Variants in TMPRSS11E observed in about 807,000 individuals in gnomAD.
TMPRSS11E encodes the protein transmembrane serine protease 11E, also known as transmembrane protease serine 11E.
TMPRSS11E carries 38 observed loss-of-function variants against 48.1 expected under a neutral mutation model. The ratio of observed to expected loss-of-function variants is 0.79; its 90% CI spans 0.61 to 1.04. TMPRSS11E has a LOEUF of 1.04. TMPRSS11E is among the 50% of genes least tolerant of loss of function. TMPRSS11E has a pLI of 0.00. For synonymous variants in TMPRSS11E, 158 were observed against 171.9 expected, an observed-to-expected ratio of 0.92 and a Z score of 0.63; for missense variants, 530 against 510.8, an observed-to-expected ratio of 1.04 and a Z score of -0.36.
At chr4:68,478,151 T>TTTTTC (rs1729286926) in intron 8 of TMPRSS11E, among the ~76,000 whole-genome samples, 1 of 147,804 alleles carries the variant, frequency 6.8e-6, no homozygotes, top group Non-Finnish European at 1.5e-5. Context: ...ATCACTATCT[T>TTTTTC]TTTTTTTTTT....
chr4:68,469,135 T>C (rs1300231823), intron 4 of TMPRSS11E, among the ~76,000 whole-genome samples, 189 bp downstream of exon 4: 1 of 152,088 alleles, frequency 6.6e-6, no homozygotes, highest in Non-Finnish European at 1.5e-5. Context: ...ATTTGCAAGA[T>C]GGTTGCTGGG....
chr4:68,480,211 A>G (rs1315198383), intron 9 of TMPRSS11E, among the ~76,000 whole-genome samples: 1 of 139,288 alleles, frequency 7.2e-6, no homozygotes, highest in African/African-American at 2.5e-5. Flanking sequence ...TTCTTAAAAT[A>G]CTCTTTCAGT....
chr4:68,496,555 C>A, intron 9 of TMPRSS11E, 88 bp from the exon 10 acceptor site: 1 of 1,340,426 alleles, frequency 7.5e-7, no homozygotes. Flanking sequence ...AAAATTACCC[C>A]TTTCATTACA....
At chr4:68,482,013 G>A (rs984891805) in intron 9 of TMPRSS11E, among the ~76,000 whole-genome samples, 2 of 152,134 alleles carry the variant, frequency 1.3e-5, no homozygotes, top group African/African-American at 2.4e-5. Flanking sequence ...AAGAGAAAAG[G>A]TTTAATTGGC....
At chr4:68,479,805 T>TA (rs1729354281) in intron 9 of TMPRSS11E, among the ~76,000 whole-genome samples, 2 of 152,044 alleles carry the variant, frequency 1.3e-5, no homozygotes, top group African/African-American at 4.8e-5. Context: ...ATTCCTTTTT[T>TA]AAAAACAGTC....
At chr4:68,484,263 C>A (rs1015809358) in intron 9 of TMPRSS11E, among the ~76,000 whole-genome samples, 1 of 152,170 alleles carries the variant, frequency 6.6e-6, no homozygotes, top group African/African-American at 2.4e-5. Flanking sequence ...TCTTTCTATT[C>A]ATGAACACAA....
chr4:68,457,248 G>A (rs1728658366), intron 1 of TMPRSS11E, among the ~76,000 whole-genome samples: 2 of 152,148 alleles, frequency 1.3e-5, no homozygotes, highest in Non-Finnish European at 1.5e-5. Flanking sequence ...GATATGAACA[G>A]ACACTTCTCA....
Position 68,447,485 on chromosome 4 carries a change from T to C in TMPRSS11E, c.-28T>C, listed in dbSNP as rs1182086178. On this transcript the variant is annotated 5_prime_UTR_variant, in exon 1 of 10. Transcript: ENST00000305363. ...CACACTTGGATGTAGACCTCGACCT[T>C]CACAGGACTCTTCATTGCTGGTTGG... 6.2e-7 allele frequency: 1 copy of C among 1,608,956 alleles called. No individual in the cohort carries two copies. The highest frequency in any genetic ancestry group is 2.2e-5 in the East Asian group (1 of 44,618).
intron 1 of TMPRSS11E, among the ~76,000 whole-genome samples, chr4:68,461,248 C>T (rs1298872186): frequency 6.6e-6 from 1 of 152,082 alleles, no homozygotes; most frequent in Non-Finnish European, 1.5e-5. Flanking sequence ...AGGAAGGGGC[C>T]TCTGGTTGTT....
intron 9 of TMPRSS11E, among the ~76,000 whole-genome samples, chr4:68,490,061 T>C (rs1729673279): frequency 6.6e-6 from 1 of 152,192 alleles, no homozygotes; most frequent in Admixed American, 6.5e-5. Context: ...TGGAGGTCTG[T>C]GGTGTGAGTT....
intron 9 of TMPRSS11E, among the ~76,000 whole-genome samples, chr4:68,493,403 A>G (rs1729782630): frequency 6.6e-6 from 1 of 152,192 alleles, no homozygotes; most frequent in African/African-American, 2.4e-5. Flanking sequence ...GCTACAGAAG[A>G]GAAGCCAAAT....
intron 9 of TMPRSS11E, among the ~76,000 whole-genome samples, chr4:68,486,352 T>G (rs1305393307): frequency 6.6e-6 from 1 of 152,248 alleles, no homozygotes; most frequent in Non-Finnish European, 1.5e-5. Flanking sequence ...TTTATTTTCA[T>G]TAATTTCAAA....
At chr4:68,482,649 A>G (rs377195932) in intron 9 of TMPRSS11E, among the ~76,000 whole-genome samples, 4 of 149,696 alleles carry the variant, frequency 2.7e-5, no homozygotes, top group African/African-American at 7.4e-5. Flanking sequence ...GCATATGCCT[A>G]TAGTTCCAGC....
chr4:68,485,217 G>C (rs553200419), intron 9 of TMPRSS11E, among the ~76,000 whole-genome samples: 19 of 152,184 alleles, frequency 1.2e-4, no homozygotes, highest in African/African-American at 2.7e-4. Flanking sequence ...TGCGATCTCA[G>C]CTCACTGCAA....
chr4:68,458,491 T>G (rs1345690882), intron 1 of TMPRSS11E, among the ~76,000 whole-genome samples: 2 of 152,200 alleles, frequency 1.3e-5, no homozygotes, highest in Non-Finnish European at 2.9e-5. Context: ...TATCTGAAGG[T>G]GATTTTACAC....
In TMPRSS11E at chr4:68,475,054, C is replaced by A. The variant is rs533822793; in HGVS notation, c.529+293C>A. On this transcript the variant is annotated intron_variant, in intron 6 of 9. Coordinates refer to ENST00000305363, the MANE Select transcript of TMPRSS11E (RefSeq NM_014058.4). ...CAAGAAATGTTTACTTATCAATGTTCTGTTTGTAGATATCTATAAGATAAA... is the reference window on the plus strand; with the variant it reads ...CAAGAAATGTTTACTTATCAATGTTATGTTTGTAGATATCTATAAGATAAA... Among the ~76,000 whole-genome samples, 5 of 152,136 alleles carry A rather than the reference C, an allele frequency of 3.3e-5. No individual in the cohort carries two copies. In the East Asian group the frequency reaches 9.6e-4, roughly 29 times the overall value.
At chr4:68,485,798 G>GT (rs1164240673) in intron 9 of TMPRSS11E, among the ~76,000 whole-genome samples, 1 of 151,808 alleles carries the variant, frequency 6.6e-6, no homozygotes, top group Non-Finnish European at 1.5e-5. Flanking sequence ...CTTGTTGGCT[G>GT]TTTTTTTAAA....
intron 1 of TMPRSS11E, among the ~76,000 whole-genome samples, chr4:68,454,444 G>A (rs974108315): frequency 4.6e-5 from 7 of 151,764 alleles, no homozygotes; most frequent in African/African-American, 7.3e-5. Context: ...ATATTAGAAC[G>A]TAATTGTCAA....
intron 1 of TMPRSS11E, among the ~76,000 whole-genome samples, chr4:68,458,549 G>A (rs1728696860): frequency 6.6e-6 from 1 of 152,152 alleles, no homozygotes. Context: ...GACTGGACAA[G>A]TGTTTATGTA....
Sources: allele counts gnomAD v4.1 joint callset (sites outside exome capture counted in the v4.1 genomes callset), GRCh38; gene constraint gnomAD v4.1.1; transcripts MANE v1.5; gene names NCBI Gene and HGNC (gene_info 2026-07-23, HGNC 2026-07-21).